Variants in LRMDA observed in about 807,000 individuals in gnomAD.
The protein encoded by LRMDA is leucine rich melanocyte differentiation associated.
A neutral mutation model predicts 29.8 loss-of-function variants in LRMDA; 18 were observed. The observed-to-expected ratio is 0.60, with a 90% CI of 0.42 to 0.90. The LOEUF (loss-of-function observed/expected upper bound fraction) is 0.90, where lower values mean the gene tolerates loss of function less well. Among genes scored for constraint, LRMDA ranks in the 40% least tolerant of loss-of-function variants. The pLI, the probability that LRMDA is intolerant of heterozygous loss-of-function variation, is 0.00. For synonymous variants in LRMDA, 125 were observed against 109.4 expected (o/e 1.14, Z -0.89); for missense variants, 273 against 273.9 (o/e 1.00, Z 0.02).
At chr10:75,698,958 T>A (rs1216123083) in intron 2 of LRMDA, among the ~76,000 whole-genome samples, 1 of 152,186 alleles carries the variant, frequency 6.6e-6, no homozygotes, top group Non-Finnish European at 1.5e-5. Context: ...CCCAGCACTT[T>A]GGGAGGCTGA....
intron 2 of LRMDA, among the ~76,000 whole-genome samples, chr10:75,621,234 C>CCCCCCA (rs373236306): frequency 0.013 from 1,839 of 144,402 alleles, 39 homozygotes; most frequent in African/African-American, 0.047. Flanking sequence ...ACCCACACAC[C>CCCCCCA]CACACACACA....
intron 2 of LRMDA, among the ~76,000 whole-genome samples, chr10:75,730,372 C>T (rs1168382437): frequency 5.9e-5 from 9 of 152,156 alleles, no homozygotes; most frequent in African/African-American, 2.2e-4. Flanking sequence ...CCACCATTCA[C>T]CTCTTCAGTA....
chr10:76,176,244 G>T (rs1031476540), intron 5 of LRMDA, among the ~76,000 whole-genome samples: 3 of 152,156 alleles, frequency 2.0e-5, no homozygotes, highest in African/African-American at 7.2e-5. Context: ...TACCAGCTTG[G>T]CATCCGGCGT....
chr10:75,616,627 T>A (rs543145042), intron 2 of LRMDA, among the ~76,000 whole-genome samples: 23 of 152,338 alleles, frequency 1.5e-4, no homozygotes, highest in Admixed American at 5.9e-4. Context: ...TCTTCTTTAC[T>A]ATGTTTGACT....
At chr10:75,757,547 T>C (rs1843046581) in intron 2 of LRMDA, among the ~76,000 whole-genome samples, 1 of 152,156 alleles carries the variant, frequency 6.6e-6, no homozygotes, top group Non-Finnish European at 1.5e-5. Flanking sequence ...CATCCCAGCC[T>C]GGCTGTTTGT....
At chr10:76,259,917 C>T (rs1839911565) in intron 5 of LRMDA, among the ~76,000 whole-genome samples, 1 of 151,870 alleles carries the variant, frequency 6.6e-6, no homozygotes, top group African/African-American at 2.4e-5. Flanking sequence ...TTTGGTTTCT[C>T]TTTGTGTGGG....
At chr10:76,007,723 G>A (rs1455563385) in intron 2 of LRMDA, among the ~76,000 whole-genome samples, 6 of 152,112 alleles carry the variant, frequency 3.9e-5, no homozygotes, top group Admixed American at 2.6e-4. Flanking sequence ...CTTGTGCACC[G>A]GTATGAGAAA....
At chr10:75,641,085 G>A (rs1841447661) in intron 2 of LRMDA, among the ~76,000 whole-genome samples, 1 of 152,218 alleles carries the variant, frequency 6.6e-6, no homozygotes, top group Non-Finnish European at 1.5e-5. Flanking sequence ...CTGGGTTTAA[G>A]TTCTTGCCAA....
intron 5 of LRMDA, among the ~76,000 whole-genome samples, chr10:76,257,368 TTGTTGCCCAGGC>T (rs1000211492): frequency 1.3e-5 from 2 of 149,656 alleles, no homozygotes; most frequent in African/African-American, 4.9e-5. Flanking sequence ...AGTCTCACTC[TTGTTGCCCAGGC>T]TGGAGTGCAA....
chr10:75,755,791 G>C (rs1843024677), intron 2 of LRMDA, among the ~76,000 whole-genome samples: 1 of 152,250 alleles, frequency 6.6e-6, no homozygotes. Flanking sequence ...TGGGGAGCAG[G>C]CAGCTGTGGT....
At chr10:76,076,829 C>T (rs759848630) in intron 5 of LRMDA, among the ~76,000 whole-genome samples, 4 of 152,038 alleles carry the variant, frequency 2.6e-5, no homozygotes, top group Non-Finnish European at 5.9e-5. Context: ...GTCGGGCAGA[C>T]AACAAACAAA....
intron 2 of LRMDA, among the ~76,000 whole-genome samples, chr10:75,730,753 G>T (rs1842686838): frequency 6.6e-6 from 1 of 151,986 alleles, no homozygotes; most frequent in Non-Finnish European, 1.5e-5. Flanking sequence ...ACTTTCCTTT[G>T]GCACCTTGAG....
intron 2 of LRMDA, among the ~76,000 whole-genome samples, chr10:75,830,237 T>C (rs1320272214): frequency 6.6e-6 from 1 of 152,204 alleles, no homozygotes; most frequent in African/African-American, 2.4e-5. Flanking sequence ...GAGGTAGAGA[T>C]GGTCATTTCG....
intron 6 of LRMDA, among the ~76,000 whole-genome samples, chr10:76,476,987 G>A (rs1390278249): frequency 6.6e-6 from 1 of 152,074 alleles, no homozygotes; most frequent in African/African-American, 2.4e-5. Flanking sequence ...TTGAAAATGG[G>A]CACAAGACAG....
intron 2 of LRMDA, among the ~76,000 whole-genome samples, chr10:75,800,476 C>T (rs1168927029): frequency 1.3e-5 from 2 of 150,034 alleles, no homozygotes; most frequent in Non-Finnish European, 3.0e-5. Context: ...CTTGCTCTGT[C>T]ACCCAGGCTG....
At chr10:76,117,233 A>G (rs1849681933) in intron 5 of LRMDA, among the ~76,000 whole-genome samples, 1 of 152,132 alleles carries the variant, frequency 6.6e-6, no homozygotes, top group Non-Finnish European at 1.5e-5. Flanking sequence ...GGAAGAATGG[A>G]GATTGTATTG....
chr10:75,897,103 C>A (rs907028626), intron 2 of LRMDA, among the ~76,000 whole-genome samples: 1 of 152,154 alleles, frequency 6.6e-6, no homozygotes, highest in Admixed American at 6.5e-5. Flanking sequence ...TTAGCAGACA[C>A]CCAGCCCTGT....
At chr10:75,578,214 G>GAAAAAAA (rs1589191365) in intron 2 of LRMDA, among the ~76,000 whole-genome samples, 3 of 8,346 alleles carry the variant, frequency 3.6e-4, no homozygotes, top group Non-Finnish European at 5.4e-4. Flanking sequence ...CAAATGGAAA[G>GAAAAAAA]CAAAAAAAAA....
intron 2 of LRMDA, among the ~76,000 whole-genome samples, chr10:75,686,632 CT>C (rs1453048087): frequency 2.6e-5 from 4 of 152,178 alleles, no homozygotes; most frequent in Admixed American, 2.6e-4. Flanking sequence ...AATGGTACCC[CT>C]ATAGTTGTTT....
Sources: allele counts gnomAD v4.1 joint callset (sites outside exome capture counted in the v4.1 genomes callset), GRCh38; gene constraint gnomAD v4.1.1; transcripts MANE v1.5; gene names NCBI Gene and HGNC (gene_info 2026-07-23, HGNC 2026-07-21).